The following GRIK2 variants were observed in gnomAD, a reference collection of about 807,000 sequenced individuals.
GRIK2 encodes glutamate receptor ionotropic, kainate 2.
In GRIK2, 32 loss-of-function variants were observed where a neutral mutation model predicts 100.3. That is an observed-to-expected ratio of 0.32 (90% confidence interval 0.24 to 0.43). The LOEUF is 0.43. GRIK2 is among the 20% of genes least tolerant of loss of function. GRIK2 has a pLI of 1.00. For synonymous variants in GRIK2, 417 were observed against 389.4 expected (o/e 1.07, Z -0.83); for missense variants, 843 against 1,114.9 (o/e 0.76, Z 3.47).
intron 14 of GRIK2, among the ~76,000 whole-genome samples, chr6:101,976,726 A>G (rs950474026): frequency 6.6e-6 from 1 of 151,568 alleles, no homozygotes; most frequent in Non-Finnish European, 1.5e-5. Context: ...ATATGGATTT[A>G]GAATAGAGGT....
At chr6:101,806,410 A>G (rs1001878417) in intron 9 of GRIK2, among the ~76,000 whole-genome samples, 10 of 152,132 alleles carry the variant, frequency 6.6e-5, no homozygotes, top group South Asian at 2.1e-4. Flanking sequence ...ACTACATTGG[A>G]ATTCCCACAA....
At chr6:101,556,994 T>C (rs1776778946) in intron 2 of GRIK2, among the ~76,000 whole-genome samples, 1 of 151,800 alleles carries the variant, frequency 6.6e-6, no homozygotes, top group South Asian at 2.1e-4. Context: ...TATTTTTACT[T>C]CACATCACTG....
intron 14 of GRIK2, among the ~76,000 whole-genome samples, chr6:102,013,334 C>T (rs753922049): frequency 7.2e-5 from 11 of 152,250 alleles, no homozygotes; most frequent in Admixed American, 3.3e-4. Flanking sequence ...AGCTTTTGGG[C>T]TGAGAATGCA....
rs557801341 is a variant in GRIK2 at position 101,490,094 on chromosome 6, C to A, written c.115+90702C>A. On this transcript the variant is annotated intron_variant, in intron 2 of 16. Transcript: ENST00000369134. ...AAAGACACAGAGGATACAGCATGGT[C>A]TTTATTTACAACAATTTTTTACTCT... Among the ~76,000 whole-genome samples the A allele has an allele frequency of 2.0e-4, 30 of 146,410 alleles. 5 individuals carry two copies. The South Asian group carries it at 6.5e-3, about 32-fold the overall frequency.
chr6:101,466,215 A>G (rs190762580), intron 2 of GRIK2, among the ~76,000 whole-genome samples: 1 of 152,100 alleles, frequency 6.6e-6, no homozygotes, highest in African/African-American at 2.4e-5. Context: ...AACTAAAATT[A>G]TGTGTTAATT....
chr6:101,621,875 T>A, intron 2 of GRIK2, 74 bp from the exon 3 acceptor site: 1 of 1,016,406 alleles, frequency 9.8e-7, no homozygotes, highest in Middle Eastern at 2.0e-4. Flanking sequence ...AGAAAACTTC[T>A]GATATTTTCT....
At chr6:101,443,376 C>T (rs1263720791) in intron 2 of GRIK2, among the ~76,000 whole-genome samples, 2 of 152,070 alleles carry the variant, frequency 1.3e-5, no homozygotes, top group African/African-American at 2.4e-5. Context: ...AAAAGAAATA[C>T]TGTGATACAG....
intron 2 of GRIK2, among the ~76,000 whole-genome samples, chr6:101,534,137 ATTT>A (rs35783548): frequency 5.1e-4 from 77 of 150,166 alleles, no homozygotes; most frequent in African/African-American, 6.8e-4. Context: ...ACATAGTTTT[ATTT>A]TTTTTTTTTG....
At chr6:102,006,743 G>A (rs920973215) in intron 14 of GRIK2, among the ~76,000 whole-genome samples, 1 of 151,344 alleles carries the variant, frequency 6.6e-6, no homozygotes, top group Non-Finnish European at 1.5e-5. Context: ...TTTTTTTCAT[G>A]GCATGTTTAT....
At chr6:101,692,729 T>A (rs1772197054) in intron 7 of GRIK2, among the ~76,000 whole-genome samples, 1 of 152,030 alleles carries the variant, frequency 6.6e-6, no homozygotes, top group African/African-American at 2.4e-5. Context: ...TGTCGAAAAA[T>A]GTGTAACATT....
intron 4 of GRIK2, among the ~76,000 whole-genome samples, chr6:101,662,770 C>T (rs1168385465): frequency 1.3e-5 from 2 of 152,058 alleles, no homozygotes; most frequent in African/African-American, 2.4e-5. Context: ...GTACATAAGT[C>T]ATTGAAGAAA....
chr6:101,916,400 G>C (rs1392509577), intron 12 of GRIK2, among the ~76,000 whole-genome samples: 1 of 150,396 alleles, frequency 6.6e-6, no homozygotes, highest in Non-Finnish European at 1.5e-5. Flanking sequence ...ACATAGTGAA[G>C]GATATAAATA....
At chr6:101,883,101 C>G (rs1786370449) in intron 11 of GRIK2, among the ~76,000 whole-genome samples, 1 of 151,764 alleles carries the variant, frequency 6.6e-6, no homozygotes, top group African/African-American at 2.4e-5. Flanking sequence ...GAGACCTCAA[C>G]AGAAACAGTG....
At chr6:101,734,024 A>G (rs1775465301) in intron 7 of GRIK2, among the ~76,000 whole-genome samples, 1 of 152,000 alleles carries the variant, frequency 6.6e-6, no homozygotes, top group South Asian at 2.1e-4. Flanking sequence ...CACTTAATTA[A>G]TGCCCATATT....
At chr6:101,435,785 T>G (rs1769681980) in intron 2 of GRIK2, among the ~76,000 whole-genome samples, 1 of 152,148 alleles carries the variant, frequency 6.6e-6, no homozygotes, top group South Asian at 2.1e-4. Flanking sequence ...CTCAGAATCT[T>G]AGATTTGTCT....
intron 7 of GRIK2, among the ~76,000 whole-genome samples, chr6:101,777,483 A>AT (rs547203641): frequency 1.3e-4 from 20 of 152,150 alleles, no homozygotes; most frequent in Admixed American, 6.5e-4. Context: ...TAACATTTGT[A>AT]TTTTTTTTCC....
At chr6:101,602,368 A>G (rs1779258448) in intron 2 of GRIK2, among the ~76,000 whole-genome samples, 1 of 151,424 alleles carries the variant, frequency 6.6e-6, no homozygotes, top group African/African-American at 2.4e-5. Context: ...GTCTTAGAGT[A>G]TGTTCTGCAC....
At chr6:101,402,355 T>C (rs1775359459) in intron 2 of GRIK2, among the ~76,000 whole-genome samples, 1 of 152,160 alleles carries the variant, frequency 6.6e-6, no homozygotes, top group Admixed American at 6.5e-5. Context: ...TCTCTAGTGC[T>C]CAAGAAAACT....
chr6:101,883,737 G>T (rs1346473695), intron 11 of GRIK2, among the ~76,000 whole-genome samples: 1 of 152,124 alleles, frequency 6.6e-6, no homozygotes, highest in African/African-American at 2.4e-5. Context: ...GAGCTTTCCA[G>T]GGAGAGGGAA....
Sources: allele counts gnomAD v4.1 joint callset (sites outside exome capture counted in the v4.1 genomes callset), GRCh38; gene constraint gnomAD v4.1.1; transcripts MANE v1.5; gene names NCBI Gene and HGNC (gene_info 2026-07-23, HGNC 2026-07-21).